The following MTUS2 variants were observed in gnomAD, a reference collection of about 807,000 sequenced individuals.
The protein encoded by MTUS2 is microtubule associated scaffold protein 2.
A neutral mutation model predicts 114.1 loss-of-function variants in MTUS2; 40 were observed. That is an observed-to-expected ratio of 0.35 (90% CI 0.27 to 0.46). The LOEUF is 0.46. MTUS2 is among the 20% of genes least tolerant of loss of function. The pLI is 1.00. For synonymous variants in MTUS2, 688 were observed against 672.0 expected (o/e 1.02, Z -0.37); for missense variants, 1,679 against 1,705.4 (o/e 0.98, Z 0.27).
At chr13:29,033,794 G>A in intron 3 of MTUS2, 91 bp from the exon 4 acceptor site, 2 of 1,502,060 alleles carry the variant, frequency 1.3e-6, no homozygotes, top group African/African-American at 2.8e-5. Flanking sequence ...TACCAGAGTG[G>A]TCATTGGTTC....
chr13:29,359,305 G>T lies in MTUS2; in HGVS notation c.2949G>T (p.Pro983=). ...QRTAAARNGF[P]PKPDPQAREA... ...CTGCGGCAGCTCGAAATGGGTTTCC[G>T]CCCAAGCCGGACCCGCAGGCCCGTG... Residue 983 remains proline (P), a synonymous_variant, in exon 8 of 16, where the codon CCG becomes CCT. Transcript: ENST00000612955. The T allele has an allele frequency of 6.2e-7, 1 of 1,607,780 alleles. No homozygotes were observed. The highest frequency in any genetic ancestry group is 8.5e-7 in the Non-Finnish European group (1 of 1,177,428).
chr13:29,180,538 T>G (rs1893954509), intron 5 of MTUS2, among the ~76,000 whole-genome samples: 1 of 152,210 alleles, frequency 6.6e-6, no homozygotes, highest in Non-Finnish European at 1.5e-5. Context: ...ATTGGACATT[T>G]ATGGGCATAG....
intron 5 of MTUS2, among the ~76,000 whole-genome samples, chr13:29,244,980 A>AAAAAAAAAAG (rs1356788440): frequency 6.7e-6 from 1 of 148,538 alleles, no homozygotes; most frequent in Non-Finnish European, 1.5e-5. Flanking sequence ...AAAAAAAAAA[A>AAAAAAAAAAG]AGTAAAAGTC....
Position 28,985,687 on chromosome 13 carries a change from C to T in MTUS2, c.-242-38770C>T, listed in dbSNP as rs566628414. On this transcript the variant is annotated intron_variant, in intron 2 of 15. Transcript: ENST00000612955. ...TGTCAGCTTGCCTAGGCCACGATGCCCGGATATGTGGTCAAAGATTATTCT... is the reference window on the plus strand; with the variant it reads ...TGTCAGCTTGCCTAGGCCACGATGCTCGGATATGTGGTCAAAGATTATTCT... Among the ~76,000 whole-genome samples, 58 of 151,996 alleles carry T rather than the reference C, an allele frequency of 3.8e-4. 1 individual carries two copies. The highest frequency in any genetic ancestry group is 1.4e-3 in the African/African-American group (57 of 41,466).
intron 1 of MTUS2, among the ~76,000 whole-genome samples, chr13:28,837,090 C>T (rs963269716): frequency 6.6e-6 from 1 of 152,222 alleles, no homozygotes; most frequent in Non-Finnish European, 1.5e-5. Context: ...CCTGCTGAAT[C>T]GAGAGACCGC....
intron 5 of MTUS2, among the ~76,000 whole-genome samples, chr13:29,244,174 G>A (rs1002990033): frequency 1.3e-4 from 20 of 152,288 alleles, no homozygotes; most frequent in Admixed American, 6.5e-4. Flanking sequence ...AAGGAGTAGG[G>A]TGGGGAGTTG....
In MTUS2 at chr13:29,505,230, T is replaced by C. The variant is rs1305282106; in HGVS notation, c.*2024T>C. The stretch of plus-strand genomic sequence containing the variant: ...TTCAGTTACAGCTTAGCTGTCCGAA[T>C]TAGGAACCGCTTACATAGCCGCACC... On this transcript the variant is annotated 3_prime_UTR_variant, in exon 16 of 16. Transcript: ENST00000612955. The C allele has an allele frequency of 2.2e-5, 5 of 231,886 alleles. No individual in the cohort carries two copies. Among genetic ancestry groups the C allele is most frequent in the Non-Finnish European group, 4.3e-5 (5 of 116,998 alleles). The allele number at this position is 231,886 out of a possible 1,614,324, so 14.4% of individuals were successfully genotyped here.
At chr13:29,246,531 T>C (rs1896932233) in intron 5 of MTUS2, among the ~76,000 whole-genome samples, 1 of 152,218 alleles carries the variant, frequency 6.6e-6, no homozygotes, top group Non-Finnish European at 1.5e-5. Flanking sequence ...ATGAAGGTTC[T>C]TAATGGAGTC....
chr13:29,120,547 A>G (rs1235339918), intron 5 of MTUS2, among the ~76,000 whole-genome samples: 1 of 152,110 alleles, frequency 6.6e-6, no homozygotes, highest in Admixed American at 6.5e-5. Flanking sequence ...TTATTTGCTT[A>G]TATTTTCTAA....
At chr13:29,316,130 G>A (rs1288984402) in intron 6 of MTUS2, among the ~76,000 whole-genome samples, 6 of 152,162 alleles carry the variant, frequency 3.9e-5, no homozygotes, top group African/African-American at 1.4e-4. Context: ...TGTTCAATTA[G>A]CCAGCAAGAA....
Position 29,312,017 on chromosome 13 carries a change from C to A in MTUS2, c.2807-12596C>A, listed in dbSNP as rs558041751. The stretch of plus-strand genomic sequence containing the variant: ...CTCCCTGACCTGCTGTCCCTTCACT[C>A]CGGTACCTTTGCACGTGATCACTGC... On this transcript the variant is annotated intron_variant, in intron 6 of 15. Coordinates refer to ENST00000612955, the MANE Select transcript of MTUS2 (RefSeq NM_001033602.4). 7.9e-4 allele frequency among the ~76,000 whole-genome samples: 121 copies of A among 152,286 alleles called. 1 individual carries two copies. Among genetic ancestry groups the A allele is most frequent in the African/African-American group, 2.8e-3 (118 of 41,556 alleles).
intron 8 of MTUS2, among the ~76,000 whole-genome samples, chr13:29,388,580 T>A (rs75815660): frequency 0.039 from 5,854 of 152,038 alleles, 399 homozygotes; most frequent in African/African-American, 0.13. Flanking sequence ...AAGTTAACAT[T>A]GTTTATAATT....
At chr13:28,999,938 C>T (rs555471790) in intron 2 of MTUS2, among the ~76,000 whole-genome samples, 1 of 152,188 alleles carries the variant, frequency 6.6e-6, no homozygotes, top group Non-Finnish European at 1.5e-5. Flanking sequence ...CATGTTGTTG[C>T]AAATGACAGT....
intron 11 of MTUS2, among the ~76,000 whole-genome samples, chr13:29,490,581 C>A (rs545341536): frequency 1.3e-5 from 2 of 152,394 alleles, no homozygotes; most frequent in Middle Eastern, 3.4e-3. Flanking sequence ...ACACTTTTCA[C>A]GGAACAGAAT....
intron 8 of MTUS2, among the ~76,000 whole-genome samples, chr13:29,423,054 A>T (rs1593427329): frequency 6.6e-6 from 1 of 150,590 alleles, no homozygotes; most frequent in Non-Finnish European, 1.5e-5. Flanking sequence ...TTCAGAGGGG[A>T]CCTCCCTACA....
chr13:29,106,973 C>T (rs951668350), intron 5 of MTUS2, among the ~76,000 whole-genome samples: 1 of 151,930 alleles, frequency 6.6e-6, no homozygotes, highest in Admixed American at 6.6e-5. Flanking sequence ...ATGTGTTGCT[C>T]ACATTTTTCT....
Position 28,847,797 on chromosome 13 carries a change from C to T in MTUS2, c.-243+7947C>T, listed in dbSNP as rs1875987115. 2.0e-5 allele frequency among the ~76,000 whole-genome samples: 3 copies of T among 152,168 alleles called. No individual in the cohort carries two copies. The South Asian group carries it at 6.2e-4, about 32-fold the overall frequency. On this transcript the variant is annotated intron_variant, in intron 2 of 15. Coordinates refer to ENST00000612955, the MANE Select transcript of MTUS2 (RefSeq NM_001033602.4). ...CAGCAGCCCTGAAGACTGATGCTGT[C>T]TCAGAGTTATACTTCCTGATGCTGG... is the stretch of plus-strand genomic sequence containing the variant.
chr13:29,068,205 A>G (rs114637640), intron 4 of MTUS2, among the ~76,000 whole-genome samples: 223 of 152,342 alleles, frequency 1.5e-3, no homozygotes, highest in African/African-American at 5.1e-3. Flanking sequence ...TCTGATATTT[A>G]GTATATATCA....
intron 8 of MTUS2, among the ~76,000 whole-genome samples, chr13:29,405,394 A>C (rs1874674911): frequency 6.6e-6 from 1 of 152,240 alleles, no homozygotes; most frequent in African/African-American, 2.4e-5. Context: ...GCTTTTAGAA[A>C]GTTCATAAGC....
Sources: allele counts gnomAD v4.1 joint callset (sites outside exome capture counted in the v4.1 genomes callset), GRCh38; gene constraint gnomAD v4.1.1; transcripts MANE v1.5; gene names NCBI Gene and HGNC (gene_info 2026-07-23, HGNC 2026-07-21).